SGCZ: variants seen among roughly 807,000 people sequenced by gnomAD.
SGCZ encodes the protein zeta-sarcoglycan.
Under a neutral mutation model 41.3 loss-of-function variants are expected in SGCZ, and 40 were observed. The ratio of observed to expected loss-of-function variants is 0.97; its 90% CI spans 0.75 to 1.26. SGCZ has a LOEUF of 1.26. SGCZ is among the 50% of genes most tolerant of loss of function. The pLI is 0.00. For synonymous variants in SGCZ, 206 were observed against 137.5 expected (o/e 1.50, Z -3.49); for missense variants, 552 against 369.8 (o/e 1.49, Z -4.04).
chr8:14,415,715 A>C (rs1411795886), intron 2 of SGCZ, among the ~76,000 whole-genome samples: 2 of 151,904 alleles, frequency 1.3e-5, no homozygotes, highest in Non-Finnish European at 2.9e-5. Flanking sequence ...CCTTGGAATA[A>C]CAGTTGAGAA....
At chr8:14,525,828 C>G (rs1563386448) in intron 2 of SGCZ, among the ~76,000 whole-genome samples, 1 of 152,054 alleles carries the variant, frequency 6.6e-6, no homozygotes, top group Non-Finnish European at 1.5e-5. Flanking sequence ...TAAATGAACA[C>G]AGTGCACTGC....
intron 2 of SGCZ, among the ~76,000 whole-genome samples, chr8:14,386,616 T>C (rs548680796): frequency 6.6e-6 from 1 of 152,336 alleles, no homozygotes; most frequent in South Asian, 2.1e-4. Flanking sequence ...TCAAAAACTT[T>C]GTAAAATAAA....
intron 3 of SGCZ, among the ~76,000 whole-genome samples, chr8:14,303,697 A>G (rs1801263809): frequency 6.6e-6 from 1 of 152,090 alleles, no homozygotes; most frequent in Admixed American, 6.6e-5. Flanking sequence ...AATATTAGCC[A>G]ATTTCTAAAT....
intron 1 of SGCZ, among the ~76,000 whole-genome samples, chr8:14,757,633 C>T (rs372882694): frequency 9.2e-5 from 14 of 152,252 alleles, no homozygotes; most frequent in African/African-American, 3.1e-4. Flanking sequence ...TACCGGGTAG[C>T]ATGATAGAGA....
At chr8:15,215,601 G>A (rs2117170621) in intron 1 of SGCZ, among the ~76,000 whole-genome samples, 1 of 152,168 alleles carries the variant, frequency 6.6e-6, no homozygotes, top group Non-Finnish European at 1.5e-5. Flanking sequence ...AGGTTGCTGT[G>A]GGCTATTTTT....
chr8:14,446,641 A>C (rs188260819), intron 2 of SGCZ, among the ~76,000 whole-genome samples: 1 of 152,328 alleles, frequency 6.6e-6, no homozygotes, highest in East Asian at 1.9e-4. Context: ...TTTTGTCATT[A>C]ATTTATATGC....
chr8:14,364,961 T>G (rs1803645094), intron 2 of SGCZ, among the ~76,000 whole-genome samples: 1 of 152,112 alleles, frequency 6.6e-6, no homozygotes, highest in Non-Finnish European at 1.5e-5. Flanking sequence ...ATTCCTTCCA[T>G]AGCTCTCATG....
intron 4 of SGCZ, among the ~76,000 whole-genome samples, chr8:14,168,018 CAA>C (rs1404161453): frequency 2.0e-5 from 3 of 152,064 alleles, no homozygotes. Flanking sequence ...GAAAACAAAA[CAA>C]AGATAAAAAT....
intron 4 of SGCZ, among the ~76,000 whole-genome samples, chr8:14,236,263 T>C (rs1187001011): frequency 6.6e-6 from 1 of 152,206 alleles, no homozygotes; most frequent in Admixed American, 6.5e-5. Flanking sequence ...CATTTGCTAA[T>C]AGCACCCCTC....
intron 2 of SGCZ, among the ~76,000 whole-genome samples, chr8:14,413,186 C>T (rs1348528522): frequency 2.0e-5 from 3 of 151,896 alleles, no homozygotes; most frequent in African/African-American, 7.2e-5. Context: ...ACTAGAGCAA[C>T]ACAGTAAGAC....
chr8:14,806,224 T>C (rs569898412), intron 1 of SGCZ, among the ~76,000 whole-genome samples: 1 of 151,216 alleles, frequency 6.6e-6, no homozygotes, highest in South Asian at 2.1e-4. Flanking sequence ...AAGAAATAAC[T>C]AAAATCAGAG....
chr8:14,195,149 T>C (rs1805227542), intron 4 of SGCZ, among the ~76,000 whole-genome samples: 1 of 152,118 alleles, frequency 6.6e-6, no homozygotes, highest in Non-Finnish European at 1.5e-5. Context: ...GAATTGACAG[T>C]ATTTACACAA....
At chr8:14,804,816 G>A (rs200097999) in intron 1 of SGCZ, among the ~76,000 whole-genome samples, 12,151 of 87,430 alleles carry the variant, frequency 0.14, 1,361 homozygotes, top group East Asian at 0.3. Context: ...AAAATGTTAA[G>A]GGCAGCCAGA....
At chr8:14,897,969 AT>A (rs1331051290) in intron 1 of SGCZ, among the ~76,000 whole-genome samples, 4 of 152,142 alleles carry the variant, frequency 2.6e-5, no homozygotes, top group African/African-American at 9.7e-5. Flanking sequence ...TAAGGCTTGT[AT>A]TTTAGTGGTG....
chr8:14,289,255 G>C (rs1458184278), intron 3 of SGCZ, among the ~76,000 whole-genome samples: 2 of 150,740 alleles, frequency 1.3e-5, no homozygotes, highest in Non-Finnish European at 1.5e-5. Context: ...CCTTTAATGA[G>C]TATTTTTTTA....
chr8:14,790,037 T>C (rs1415622969), intron 1 of SGCZ, among the ~76,000 whole-genome samples: 1 of 152,178 alleles, frequency 6.6e-6, no homozygotes, highest in Non-Finnish European at 1.5e-5. Context: ...AATACTTAAA[T>C]CTTCAGTGGT....
chr8:15,003,255 A>C (rs894201584), intron 1 of SGCZ, among the ~76,000 whole-genome samples: 1 of 152,172 alleles, frequency 6.6e-6, no homozygotes, highest in Admixed American at 6.5e-5. Flanking sequence ...GTATGCTCTG[A>C]AAGACGAAGC....
chr8:14,318,368 A>T (rs1016633898), intron 3 of SGCZ, among the ~76,000 whole-genome samples: 2 of 151,912 alleles, frequency 1.3e-5, no homozygotes, highest in African/African-American at 4.8e-5. Context: ...AATTTTTTTG[A>T]ACAACCAACA....
chr8:14,548,547 G>A (rs1803702094), intron 2 of SGCZ, among the ~76,000 whole-genome samples: 1 of 152,072 alleles, frequency 6.6e-6, no homozygotes, highest in Non-Finnish European at 1.5e-5. Flanking sequence ...TGGAGTCTAT[G>A]TTCTATCAAA....
Sources: allele counts gnomAD v4.1 joint callset (sites outside exome capture counted in the v4.1 genomes callset), GRCh38; gene constraint gnomAD v4.1.1; transcripts MANE v1.5; gene names NCBI Gene and HGNC (gene_info 2026-07-23, HGNC 2026-07-21).